PCDH9: variants seen among roughly 807,000 people sequenced by gnomAD.
The protein encoded by PCDH9 is protocadherin 9.
PCDH9 carries 24 observed loss-of-function variants against 70.6 expected under a neutral mutation model. The observed-to-expected ratio is 0.34, with a 90% CI of 0.25 to 0.48. The LOEUF (loss-of-function observed/expected upper bound fraction) is 0.48, where lower values mean the gene tolerates loss of function less well. PCDH9 is among the 20% of genes least tolerant of loss of function. The probability of loss-of-function intolerance (pLI) is 0.99; values close to 1 mark genes in which losing one functional copy is unlikely to be tolerated. For missense variants in PCDH9, 1,281 were observed against 1,503.6 expected, an observed-to-expected ratio of 0.85 and a Z score of 2.45; for synonymous variants, 562 against 558.5, an observed-to-expected ratio of 1.01 and a Z score of -0.09.
rs563113103 is a variant in PCDH9 at position 66,568,933 on chromosome 13, T to C, written c.3340+62277A>G. Among the ~76,000 whole-genome samples, 6 of 151,428 alleles carry C rather than the reference T, an allele frequency of 4.0e-5. No homozygotes were observed. The South Asian group carries it at 1.3e-3, about 32-fold the overall frequency. On this transcript the variant is annotated intron_variant, in intron 4 of 4. Transcript: ENST00000377865. ...ACTGATATGCAAATACTAAGTACTA[T>C]GTAGTATGAAAGGTTCGTATATATG...
chr13:67,114,140 A>G (rs1349222251), intron 2 of PCDH9, among the ~76,000 whole-genome samples: 2 of 152,312 alleles, frequency 1.3e-5, no homozygotes, highest in South Asian at 4.1e-4. Context: ...AATTGATTAT[A>G]TTGTAATTTA....
At chr13:66,375,298 G>C (rs1956728739) in intron 4 of PCDH9, among the ~76,000 whole-genome samples, 1 of 151,832 alleles carries the variant, frequency 6.6e-6, no homozygotes, top group South Asian at 2.1e-4. Context: ...TTAGCAACCT[G>C]GAAACTTTTT....
chr13:66,451,211 T>C (rs1958202056), intron 4 of PCDH9, among the ~76,000 whole-genome samples: 1 of 152,188 alleles, frequency 6.6e-6, no homozygotes, highest in African/African-American at 2.4e-5. Context: ...CAATGCCAGG[T>C]ATATGCTGCA....
chr13:66,672,721 C>A (rs761634838), intron 3 of PCDH9, among the ~76,000 whole-genome samples: 19 of 152,224 alleles, frequency 1.2e-4, no homozygotes, highest in Non-Finnish European at 2.4e-4. Flanking sequence ...CCACCTCTTG[C>A]ATCAGCATGA....
At chr13:66,711,418 A>T (rs760024778) in intron 3 of PCDH9, among the ~76,000 whole-genome samples, 1 of 151,864 alleles carries the variant, frequency 6.6e-6, no homozygotes, top group African/African-American at 2.4e-5. Flanking sequence ...ATTACCTGAC[A>T]TACAACAACC....
chr13:66,341,499 T>A (rs1449980675), intron 4 of PCDH9, among the ~76,000 whole-genome samples: 1 of 152,060 alleles, frequency 6.6e-6, no homozygotes, highest in Non-Finnish European at 1.5e-5. Flanking sequence ...AATAGGTTGT[T>A]AGAAATGTCA....
At chr13:67,097,329 T>A (rs1368739984) in intron 2 of PCDH9, among the ~76,000 whole-genome samples, 1 of 151,864 alleles carries the variant, frequency 6.6e-6, no homozygotes, top group Non-Finnish European at 1.5e-5. Flanking sequence ...AGCTATCCTG[T>A]TAATTTATTT....
chr13:67,034,870 G>T (rs1340284030), intron 2 of PCDH9, among the ~76,000 whole-genome samples: 1 of 151,510 alleles, frequency 6.6e-6, no homozygotes. Flanking sequence ...ACTGCTGAAA[G>T]TTTAGACAAT....
chr13:66,739,478 T>A (rs904027540), intron 3 of PCDH9, among the ~76,000 whole-genome samples: 2 of 149,094 alleles, frequency 1.3e-5, no homozygotes, highest in African/African-American at 4.9e-5. Context: ...CAGGATCAAA[T>A]TCACACATAA....
At chr13:67,225,359 G>A in intron 2 of PCDH9, 46 bp downstream of exon 2, 1 of 1,562,174 alleles carries the variant, frequency 6.4e-7, no homozygotes, top group East Asian at 2.2e-5. Context: ...TGGTTGACTG[G>A]GCACTTGTAT....
At chr13:66,431,770 G>A (rs966414833) in intron 4 of PCDH9, among the ~76,000 whole-genome samples, 27 of 151,920 alleles carry the variant, frequency 1.8e-4, no homozygotes, top group African/African-American at 6.5e-4. Context: ...TATAGAAAGA[G>A]GCTTTATAAA....
chr13:67,173,837 A>T (rs2138454906), intron 2 of PCDH9, among the ~76,000 whole-genome samples: 1 of 152,278 alleles, frequency 6.6e-6, no homozygotes, highest in South Asian at 2.1e-4. Flanking sequence ...CCCTCAAGAG[A>T]CTTGATCTAT....
intron 3 of PCDH9, among the ~76,000 whole-genome samples, chr13:66,693,803 G>T (rs1378734833): frequency 6.6e-6 from 1 of 152,208 alleles, no homozygotes; most frequent in Non-Finnish European, 1.5e-5. Context: ...ACACAAAGTG[G>T]AAGTGGTGGT....
chr13:66,972,645 C>T (rs1423709254), intron 2 of PCDH9, among the ~76,000 whole-genome samples: 1 of 151,932 alleles, frequency 6.6e-6, no homozygotes, highest in African/African-American at 2.4e-5. Context: ...TAATTTGTGG[C>T]CTAGCTATTG....
chr13:66,689,742 C>T (rs966153429), intron 3 of PCDH9, among the ~76,000 whole-genome samples: 1 of 152,004 alleles, frequency 6.6e-6, no homozygotes, highest in African/African-American at 2.4e-5. Context: ...TTTTAATAGA[C>T]AACCGCAGGC....
chr13:66,960,751 T>C (rs912862409), intron 2 of PCDH9, among the ~76,000 whole-genome samples: 32 of 152,134 alleles, frequency 2.1e-4, no homozygotes, highest in African/African-American at 7.5e-4. Context: ...ATGAAGAAAA[T>C]ATTCTTCGAA....
At chr13:66,649,138 A>T (rs2077814523) in intron 3 of PCDH9, among the ~76,000 whole-genome samples, 1 of 152,164 alleles carries the variant, frequency 6.6e-6, no homozygotes, top group African/African-American at 2.4e-5. Flanking sequence ...GGAGAAGGTT[A>T]TTCAAAGGGA....
Position 66,756,640 on chromosome 13 carries a change from A to G in PCDH9, c.3139-125229T>C, listed in dbSNP as rs1352256207. Among the ~76,000 whole-genome samples, 121 of 152,110 alleles carry G rather than the reference A, an allele frequency of 8.0e-4. 1 individual carries two copies. Among genetic ancestry groups the G allele is most frequent in the Non-Finnish European group, 5.9e-5 (4 of 68,006 alleles). ...CCATGTTTCTATAGCCCCATTTCTG[A>G]GCCTCATACTTTTTTCAAAAAACAT... On this transcript the variant is annotated intron_variant, in intron 3 of 4. Transcript: ENST00000377865.
intron 4 of PCDH9, among the ~76,000 whole-genome samples, chr13:66,550,126 C>T (rs1056197225): frequency 2.6e-5 from 4 of 151,932 alleles, no homozygotes; most frequent in African/African-American, 9.7e-5. Context: ...AACTTTAACT[C>T]TTTAATTTTA....
Sources: allele counts gnomAD v4.1 joint callset (sites outside exome capture counted in the v4.1 genomes callset), GRCh38; gene constraint gnomAD v4.1.1; transcripts MANE v1.5; gene names NCBI Gene and HGNC (gene_info 2026-07-23, HGNC 2026-07-21).